The following SMAP1 variants were observed in gnomAD, a reference collection of about 807,000 sequenced individuals.
SMAP1 encodes stromal membrane-associated protein 1.
In SMAP1, 24 loss-of-function variants were observed where a neutral mutation model predicts 58.5. That is an observed-to-expected ratio of 0.41 (90% CI 0.30 to 0.58). SMAP1 has a LOEUF of 0.58. SMAP1 is among the 20% of genes least tolerant of loss of function. The pLI is 0.29. For synonymous variants in SMAP1, 216 were observed against 196.6 expected (o/e 1.10, Z -0.82); for missense variants, 563 against 566.3 (o/e 0.99, Z 0.06).
At chr6:70,668,258 C>T in intron 1 of SMAP1, 117 bp downstream of exon 1, 1 of 973,372 alleles carries the variant, frequency 1.0e-6, no homozygotes, top group Non-Finnish European at 1.5e-6. Flanking sequence ...GGCTCCTGCC[C>T]TGACTGGAGG....
At chr6:70,792,994 A>G (rs997477636) in intron 5 of SMAP1, among the ~76,000 whole-genome samples, 2 of 152,156 alleles carry the variant, frequency 1.3e-5, no homozygotes, top group African/African-American at 4.8e-5. Flanking sequence ...AAGTAGTAAC[A>G]GAGGGAATGT....
chr6:70,753,875 G>A (rs544162262), intron 2 of SMAP1, among the ~76,000 whole-genome samples: 53 of 151,996 alleles, frequency 3.5e-4, no homozygotes, highest in Non-Finnish European at 5.6e-4. Flanking sequence ...TTTACTCTGA[G>A]AGAATACTTA....
rs144670611 is a variant in SMAP1, at chr6:70,831,989, T to C, written c.577-4952T>C. Among the ~76,000 whole-genome samples the C allele has an allele frequency of 3.8e-4, 58 of 152,318 alleles. No homozygotes were observed. The East Asian group carries it at 9.6e-3, about 25-fold the overall frequency. ...ACTGATGTGAGGTGGTGTCTCATTGTGGTTTTGATTTGCATTTCTCTAATA... is the reference window on the plus strand; with the variant it reads ...ACTGATGTGAGGTGGTGTCTCATTGCGGTTTTGATTTGCATTTCTCTAATA... On this transcript the variant is annotated intron_variant, in intron 6 of 10. Coordinates refer to ENST00000370455, the MANE Select transcript of SMAP1 (RefSeq NM_001044305.3).
intron 8 of SMAP1, among the ~76,000 whole-genome samples, chr6:70,853,382 A>C (rs1005781429): frequency 1.5e-4 from 23 of 152,214 alleles, no homozygotes; most frequent in Non-Finnish European, 2.8e-4. Flanking sequence ...CAACATTAAG[A>C]TTCTATCTTA....
chr6:70,860,377 C>T lies in SMAP1; in HGVS notation c.*43C>T. On this transcript the variant is annotated 3_prime_UTR_variant, in exon 11 of 11. Transcript: ENST00000370455. ...TCATCCAGAACTACCACCTGACATT[C>T]CTTGCTGAAACGCATCTAGTTCCCC... 2 of 1,571,624 alleles carry T rather than the reference C, an allele frequency of 1.3e-6. No individual in the cohort carries two copies. Among genetic ancestry groups the T allele is most frequent in the Non-Finnish European group, 1.7e-6 (2 of 1,159,602 alleles).
At chr6:70,704,261 T>C (rs1464999706) in intron 1 of SMAP1, among the ~76,000 whole-genome samples, 1 of 152,226 alleles carries the variant, frequency 6.6e-6, no homozygotes, top group Non-Finnish European at 1.5e-5. Flanking sequence ...AAACTATTGA[T>C]GTTACTAGTA....
chr6:70,801,194 T>C lies in SMAP1; in HGVS notation c.576+2457T>C, dbSNP rs116866452. Among the ~76,000 whole-genome samples, 946 of 152,350 alleles carry C rather than the reference T, an allele frequency of 6.2e-3. 6 individuals are homozygous for C. Among genetic ancestry groups the C allele is most frequent in the Non-Finnish European group, 8.3e-3 (566 of 68,030 alleles). ...TCCAACATCTGTTGCTTCCTGACTTTTTTAATGATCGCGATTCTACCTGGC... is the reference window on the plus strand; with the variant it reads ...TCCAACATCTGTTGCTTCCTGACTTCTTTAATGATCGCGATTCTACCTGGC... On this transcript the variant is annotated intron_variant, in intron 6 of 10. Coordinates refer to ENST00000370455, the MANE Select transcript of SMAP1 (RefSeq NM_001044305.3).
chr6:70,791,628 G>T (rs1333888123), intron 4 of SMAP1, 61 bp from the exon 5 acceptor site: 12 of 1,405,264 alleles, frequency 8.5e-6, no homozygotes, highest in Non-Finnish European at 1.2e-5. Flanking sequence ...TCCTGTGCCT[G>T]TCAATTCTCA....
chr6:70,844,072 G>C (rs148796344), intron 7 of SMAP1, among the ~76,000 whole-genome samples: 77 of 152,314 alleles, frequency 5.1e-4, no homozygotes, highest in African/African-American at 1.6e-3. Context: ...TGTGGCCTCT[G>C]ATGGATTTGC....
chr6:70,858,287 CTTTTT>C lies in SMAP1; in HGVS notation c.1269+82_1269+86del, dbSNP rs68188898. The C allele has an allele frequency of 6.5e-3, 1,869 of 288,900 alleles. 5 individuals carry two copies. Among genetic ancestry groups the C allele is most frequent in the African/African-American group, 9.6e-3 (221 of 23,020 alleles). 17.9% of individuals were successfully genotyped at this position (288,900 alleles called of 1,614,324 possible). A position where few individuals can be genotyped will look rare whatever the true frequency, so the allele number is the denominator to read the frequency against. ...ATCAAACCAGATTTATTTTCTAAAT[CTTTTT>C]TTTTTTTTTTTTTTTTTTTTTTTAA... On this transcript the variant is annotated intron_variant, in intron 10 of 10. Coordinates refer to ENST00000370455, the MANE Select transcript of SMAP1 (RefSeq NM_001044305.3).
At chr6:70,841,306 G>A (rs1040711749) in intron 7 of SMAP1, among the ~76,000 whole-genome samples, 2 of 152,060 alleles carry the variant, frequency 1.3e-5, no homozygotes, top group African/African-American at 4.8e-5. Flanking sequence ...TACCACATGC[G>A]CACTGCAGAG....
At chr6:70,818,066 CT>C (rs1458656522) in intron 6 of SMAP1, among the ~76,000 whole-genome samples, 1 of 152,110 alleles carries the variant, frequency 6.6e-6, no homozygotes, top group Non-Finnish European at 1.5e-5. Flanking sequence ...ACTTTCTCCT[CT>C]TTCTAAATTC....
At chr6:70,827,247 A>G (rs554397400) in intron 6 of SMAP1, among the ~76,000 whole-genome samples, 1 of 152,348 alleles carries the variant, frequency 6.6e-6, no homozygotes, top group Non-Finnish European at 1.5e-5. Flanking sequence ...CAAATGACCA[A>G]GCAATAAAGA....
intron 1 of SMAP1, among the ~76,000 whole-genome samples, chr6:70,669,936 A>G (rs1562082084): frequency 6.6e-6 from 1 of 152,128 alleles, no homozygotes; most frequent in South Asian, 2.1e-4. Context: ...TTTAAAAGCC[A>G]TTATTAACCA....
chr6:70,803,461 T>C (rs1215706330), intron 6 of SMAP1, among the ~76,000 whole-genome samples: 1 of 152,104 alleles, frequency 6.6e-6, no homozygotes, highest in Non-Finnish European at 1.5e-5. Flanking sequence ...GATTCATTGA[T>C]TTTTTTGAAG....
chr6:70,735,246 G>A (rs1252292162), intron 2 of SMAP1, among the ~76,000 whole-genome samples: 2 of 152,142 alleles, frequency 1.3e-5, no homozygotes, highest in Non-Finnish European at 2.9e-5. Context: ...TGAAGATAGA[G>A]CATTTCTGTC....
At chr6:70,738,160 G>A (rs990134189) in intron 2 of SMAP1, among the ~76,000 whole-genome samples, 2 of 152,094 alleles carry the variant, frequency 1.3e-5, no homozygotes, top group Non-Finnish European at 2.9e-5. Flanking sequence ...TGACTCTGAA[G>A]TTTCTTCCAT....
chr6:70,745,446 C>T (rs1765989827), intron 2 of SMAP1, among the ~76,000 whole-genome samples: 1 of 152,156 alleles, frequency 6.6e-6, no homozygotes. Context: ...TTCCCCATTT[C>T]TTGTTTTTGT....
At chr6:70,803,907 C>T (rs1768987261) in intron 6 of SMAP1, among the ~76,000 whole-genome samples, 1 of 152,122 alleles carries the variant, frequency 6.6e-6, no homozygotes, top group Non-Finnish European at 1.5e-5. Context: ...TGTTTTACTT[C>T]CAATTATGTG....
Sources: gnomAD v4.1 joint callset for allele counts (sites outside exome capture counted in the v4.1 genomes callset) on GRCh38, gnomAD v4.1.1 for gene constraint, MANE v1.5 for transcripts, NCBI Gene and HGNC (gene_info 2026-07-23, HGNC 2026-07-21) for gene names.